Variants in ZNF236 observed in about 807,000 individuals in gnomAD.
ZNF236 encodes the protein regulated by glucose.
In ZNF236, 50 loss-of-function variants were observed where a neutral mutation model predicts 191.2. That is an observed-to-expected ratio of 0.26 (90% confidence interval 0.21 to 0.33). ZNF236 has a LOEUF of 0.33. Among genes scored for constraint, ZNF236 ranks in the 10% least tolerant of loss-of-function variants. The pLI is 1.00. For synonymous variants in ZNF236, 907 were observed against 928.8 expected, an observed-to-expected ratio of 0.98 and a Z score of 0.43; for missense variants, 1,754 against 2,374.5, an observed-to-expected ratio of 0.74 and a Z score of 5.43.
intron 13 of ZNF236, among the ~76,000 whole-genome samples, chr18:76,907,248 A>C (rs1232890888): frequency 6.6e-6 from 1 of 152,258 alleles, no homozygotes; most frequent in African/African-American, 2.4e-5. Flanking sequence ...TGAAATTCTG[A>C]GTAGGCAGAT....
chr18:76,921,076 C>T (rs1967519815), intron 20 of ZNF236, among the ~76,000 whole-genome samples: 2 of 152,224 alleles, frequency 1.3e-5, no homozygotes, highest in African/African-American at 4.8e-5. Flanking sequence ...TCCTTGTACT[C>T]TGTTCTACAG....
intron 9 of ZNF236, among the ~76,000 whole-genome samples, chr18:76,892,155 A>T (rs1172938906): frequency 1.9e-5 from 2 of 102,938 alleles, no homozygotes; most frequent in African/African-American, 6.9e-5. Context: ...TTCTTTTTGA[A>T]ATTTTCTTCT....
intron 8 of ZNF236, 23 bp from the exon 9 acceptor site, chr18:76,881,261 C>A (rs572067419): frequency 1.9e-6 from 3 of 1,606,158 alleles, no homozygotes; most frequent in South Asian, 1.1e-5. Flanking sequence ...ACCTTCTAAC[C>A]TTTTAGTTTT....
At chr18:76,823,727 T>A (rs1219033968) in intron 1 of ZNF236, among the ~76,000 whole-genome samples, 1 of 152,228 alleles carries the variant, frequency 6.6e-6, no homozygotes, top group Admixed American at 6.5e-5. Flanking sequence ...TTGACTTGCC[T>A]TCCAAAGCCC....
At chr18:76,856,048 C>A (rs28648412) in intron 3 of ZNF236, among the ~76,000 whole-genome samples, 3,968 of 152,036 alleles carry the variant, frequency 0.026, 159 homozygotes, top group African/African-American at 0.088. Flanking sequence ...TTCTTCATAC[C>A]ATTTTCTTTC....
intron 25 of ZNF236, among the ~76,000 whole-genome samples, chr18:76,930,181 T>C (rs1967809292): frequency 6.6e-6 from 1 of 152,226 alleles, no homozygotes; most frequent in African/African-American, 2.4e-5. Context: ...CAGGTGATAA[T>C]ACATTTTCTA....
rs145578947 is a variant in ZNF236, at chr18:76,940,059, G to A, written c.4782+2716G>A. Among the ~76,000 whole-genome samples, 313 of 106,146 alleles carry A rather than the reference G, an allele frequency of 2.9e-3. 2 individuals are homozygous for A. The highest frequency in any genetic ancestry group is 7.9e-3 in the Admixed American group (75 of 9,442). The allele number at this position is 106,146 out of a possible 152,430, so 69.6% of individuals were successfully genotyped here. A position where few individuals can be genotyped will look rare whatever the true frequency, so the allele number is the denominator to read the frequency against. On this transcript the variant is annotated intron_variant, in intron 26 of 30. Transcript: ENST00000320610. Reference sequence around the variant, plus strand: ...CATTGCGTTTGGGAACACGGTGGGCGACCCTAGCACTGTGTTTGGGAACAC... The same window carrying A: ...CATTGCGTTTGGGAACACGGTGGGCAACCCTAGCACTGTGTTTGGGAACAC...
rs1166170779 is a variant in ZNF236 at position 76,972,213 on chromosome 18, G to A, written c.*3874G>A. Among the ~76,000 whole-genome samples the A allele has an allele frequency of 3.3e-5, 5 of 152,190 alleles. No individual in the cohort carries two copies. Among genetic ancestry groups the A allele is most frequent in the Admixed American group, 6.5e-5 (1 of 15,278 alleles). ...CCATATTCTAATGAAAAGATCGTAC[G>A]CCAAAGGCCACTGAGCTGGCATCTT... On this transcript the variant is annotated 3_prime_UTR_variant, in exon 31 of 31. Coordinates refer to ENST00000320610, the MANE Select transcript of ZNF236 (RefSeq NM_001306089.2).
In ZNF236 at chr18:76,875,382, A is replaced by G. The variant is rs1293031098; in HGVS notation, c.668-110A>G. On this transcript the variant is annotated intron_variant, in intron 5 of 30. Transcript: ENST00000320610. This position sits in a 1 kb window ranked among gnomAD's most constrained non-coding sequence, Gnocchi z 4.3. ...TATATGCATCTAGAGTTCTGGGGAGACATTTTGGCTGGAGGGATAGGTTTG... is the reference window on the plus strand; with the variant it reads ...TATATGCATCTAGAGTTCTGGGGAGGCATTTTGGCTGGAGGGATAGGTTTG... 9.6e-7 allele frequency: 1 copy of G among 1,045,286 alleles called. No individual in the cohort carries two copies. The highest frequency in any genetic ancestry group is 1.3e-6 in the Non-Finnish European group (1 of 767,686). 64.8% of individuals were successfully genotyped at this position (1,045,286 alleles called of 1,614,324 possible).
In ZNF236 at chr18:76,925,500, A is replaced by G; in HGVS notation, c.3973A>G (p.Asn1325Asp). The G allele has an allele frequency of 1.9e-6, 3 of 1,614,136 alleles. No homozygotes were observed. Among genetic ancestry groups the G allele is most frequent in the Non-Finnish European group, 2.5e-6 (3 of 1,180,034 alleles). ...NSVLTGQFDQ[N>D]LLQPGLVGQA... ...TGTTCTAACAGGACAGTTTGATCAG[A>G]ATCTGCTGCAACCAGGACTGGTGGG... Residue 1325 changes from asparagine to aspartate, a missense_variant, in exon 22 of 31, where the codon AAT becomes GAT. Asn to Asp is a conservative substitution (Grantham distance 23, BLOSUM62 1). Transcript: ENST00000320610. The surrounding 1 kb of genome is among the most constrained non-coding windows in gnomAD (Gnocchi z 5.7).
At chr18:76,897,488 A>G (rs1280581717) in intron 10 of ZNF236, among the ~76,000 whole-genome samples, 1 of 152,086 alleles carries the variant, frequency 6.6e-6, no homozygotes, top group Non-Finnish European at 1.5e-5. Flanking sequence ...ATAGTACTGT[A>G]CATAGTACCA....
At chr18:76,948,703 G>A (rs563804722) in intron 27 of ZNF236, among the ~76,000 whole-genome samples, 52 of 152,276 alleles carry the variant, frequency 3.4e-4, no homozygotes, top group East Asian at 1.7e-3. Context: ...GCCAAGTGTC[G>A]CCCACTTGGG....
At chr18:76,871,613 G>A (rs745476101) in intron 4 of ZNF236, 88 bp from the exon 5 acceptor site, 121 of 1,556,042 alleles carry the variant, frequency 7.8e-5, no homozygotes, top group Non-Finnish European at 1.0e-4. Flanking sequence ...TGACTAGTCA[G>A]CCAAATTTTC....
intron 2 of ZNF236, 98 bp downstream of exon 2, chr18:76,849,766 T>A: frequency 8.7e-7 from 1 of 1,142,896 alleles, no homozygotes; most frequent in Non-Finnish European, 1.2e-6. Context: ...TTTAGGTTCC[T>A]AAATAGTAGA....
rs765731809 is a variant in ZNF236, at chr18:76,904,556, T to C, written c.2036+35T>C. On this transcript the variant is annotated intron_variant, in intron 12 of 30. Transcript: ENST00000320610. ...CGGATTCACAGATGGAAATTTAGTA[T>C]AATTAAACTGACTTAGTGACCTGAT... 1.5e-5 allele frequency: 23 copies of C among 1,544,954 alleles called. No individual in the cohort carries two copies. In the South Asian group the frequency reaches 2.9e-4, roughly 20 times the overall value.
At chr18:76,907,571 C>G (rs183877915) in intron 13 of ZNF236, among the ~76,000 whole-genome samples, 63 of 152,316 alleles carry the variant, frequency 4.1e-4, no homozygotes, top group Non-Finnish European at 7.5e-4. Flanking sequence ...TCAGGTGATC[C>G]TCCAGCCTTG....
intron 1 of ZNF236, among the ~76,000 whole-genome samples, chr18:76,843,204 C>T (rs548193368): frequency 2.0e-5 from 3 of 152,086 alleles, no homozygotes; most frequent in South Asian, 2.1e-4. Flanking sequence ...GAGCATGAGC[C>T]GGTGAGGCTG....
At position 76,966,722 on chromosome 18, in the gene ZNF236, G is replaced by A. The variant is rs185461279; in HGVS notation, c.5420-1493G>A. 1.8e-4 allele frequency among the ~76,000 whole-genome samples: 27 copies of A among 152,278 alleles called. No individual in the cohort carries two copies. In the East Asian group the frequency reaches 5.0e-3, roughly 28 times the overall value. On this transcript the variant is annotated intron_variant, in intron 30 of 30. Transcript: ENST00000320610. The stretch of plus-strand genomic sequence containing the variant: ...TTGGTTTCTCTCTTGATTCGCTAAC[G>A]TTCATGCCCTTCAGAGTATGGATAT...
chr18:76,876,937 G>A (rs2122629288), intron 6 of ZNF236, among the ~76,000 whole-genome samples: 1 of 152,248 alleles, frequency 6.6e-6, no homozygotes, highest in African/African-American at 2.4e-5. Flanking sequence ...ACTAGAATGG[G>A]TTGTTCCAGA....
Sources: gnomAD v4.1 joint callset for allele counts (sites outside exome capture counted in the v4.1 genomes callset) on GRCh38, gnomAD v4.1.1 for gene constraint, Gnocchi (gnomAD v3.1) non-coding constraint, MANE v1.5 for transcripts, NCBI Gene and HGNC (gene_info 2026-07-23, HGNC 2026-07-21) for gene names.